WWC2: variants seen among roughly 807,000 people sequenced by gnomAD.
WWC2 encodes the protein WW and C2 domain containing 2.
Under a neutral mutation model 138.5 loss-of-function variants are expected in WWC2, and 101 were observed. That is an observed-to-expected ratio of 0.73 (90% CI 0.62 to 0.86). The LOEUF (loss-of-function observed/expected upper bound fraction) is 0.86. Ranked by LOEUF, WWC2 falls within the 40% of genes least tolerant of loss-of-function variation. The pLI, the probability that WWC2 is intolerant of heterozygous loss-of-function variation, is 0.00. For synonymous variants in WWC2, 558 were observed against 538.4 expected (o/e 1.04, Z -0.50); for missense variants, 1,420 against 1,419.4 (o/e 1.00, Z -0.01).
At chr4:183,240,929 C>G (rs2111312702) in intron 5 of WWC2, among the ~76,000 whole-genome samples, 1 of 152,278 alleles carries the variant, frequency 6.6e-6, no homozygotes, top group Middle Eastern at 3.4e-3. Context: ...CTTCCGCATT[C>G]CCGGCCCCTG....
At chr4:183,162,918 T>C (rs4550974) in intron 1 of WWC2, among the ~76,000 whole-genome samples, 151,631 of 152,314 alleles carry the variant, frequency 1, 75,479 homozygotes, top group Middle Eastern at 1. Context: ...TTCCAAGAAG[T>C]GCCTTTATTT....
chr4:183,303,559 A>G (rs1435498960), intron 21 of WWC2, among the ~76,000 whole-genome samples: 1 of 152,200 alleles, frequency 6.6e-6, no homozygotes, highest in Admixed American at 6.5e-5. Context: ...TAACTTTCTA[A>G]TATGAGTGTA....
At chr4:183,106,950 G>A (rs961565382) in intron 1 of WWC2, among the ~76,000 whole-genome samples, 1 of 152,102 alleles carries the variant, frequency 6.6e-6, no homozygotes, top group African/African-American at 2.4e-5. Context: ...GTCTAAAAGT[G>A]GAGTTGCTGG....
intron 1 of WWC2, among the ~76,000 whole-genome samples, chr4:183,134,063 C>T (rs1348237053): frequency 1.3e-5 from 2 of 151,936 alleles, no homozygotes; most frequent in Non-Finnish European, 2.9e-5. Context: ...TCATTTCATC[C>T]CTATGTCCGA....
rs181064692 is a variant in WWC2, at chr4:183,181,096, G to A, written c.132-12503G>A. On this transcript the variant is annotated intron_variant, in intron 1 of 22. Transcript: ENST00000403733. Reference sequence around the variant, plus strand: ...AAAGAGGCAGTATTAAATCATAACTGCATATAATTAACTATAGTATATAGT... The same window carrying A: ...AAAGAGGCAGTATTAAATCATAACTACATATAATTAACTATAGTATATAGT... Among the ~76,000 whole-genome samples the A allele has an allele frequency of 5.2e-3, 791 of 152,252 alleles. 1 individual carries two copies. Among genetic ancestry groups the A allele is most frequent in the Non-Finnish European group, 7.7e-3 (526 of 68,012 alleles).
intron 1 of WWC2, among the ~76,000 whole-genome samples, chr4:183,120,407 G>A (rs146353300): frequency 9.6e-4 from 146 of 152,276 alleles, no homozygotes; most frequent in African/African-American, 3.4e-3. Flanking sequence ...TGATGCTGAC[G>A]TTTATGAACT....
chr4:183,173,916 A>G (rs907479089), intron 1 of WWC2, among the ~76,000 whole-genome samples: 21 of 152,278 alleles, frequency 1.4e-4, no homozygotes, highest in Non-Finnish European at 2.1e-4. Context: ...GAAGCTCTCT[A>G]CTAGTGGGTG....
chr4:183,154,164 G>T (rs771686742), intron 1 of WWC2, among the ~76,000 whole-genome samples: 3 of 152,104 alleles, frequency 2.0e-5, no homozygotes, highest in African/African-American at 7.2e-5. Context: ...TTGTGTTTTT[G>T]TAGTAGTTGA....
At chr4:183,215,332 T>A (rs766021137) in intron 4 of WWC2, among the ~76,000 whole-genome samples, 4 of 152,156 alleles carry the variant, frequency 2.6e-5, no homozygotes, top group Non-Finnish European at 5.9e-5. Flanking sequence ...CTGCAGAAAA[T>A]GAAACTGTGG....
rs188239728 is a variant in WWC2 at position 183,189,842 on chromosome 4, T to G, written c.132-3757T>G. ...CAGTTAGTACAAACTCAGGTTTTTT[T>G]GGAGTTGTGCTTGTACTCACCATCA... On this transcript the variant is annotated intron_variant, in intron 1 of 22. Coordinates refer to ENST00000403733, the MANE Select transcript of WWC2 (RefSeq NM_024949.6). Among the ~76,000 whole-genome samples the G allele has an allele frequency of 5.9e-3, 900 of 152,336 alleles. 7 individuals carry two copies. Among genetic ancestry groups the G allele is most frequent in the African/African-American group, 0.019 (798 of 41,582 alleles).
chr4:183,280,976 T>TC, intron 17 of WWC2, 79 bp downstream of exon 17: 1 of 1,471,704 alleles, frequency 6.8e-7, no homozygotes, highest in Middle Eastern at 1.8e-4. Context: ...CTTTGTAGGC[T>TC]CATGCTTTAT....
At position 183,099,557 on chromosome 4, in the gene WWC2, C is replaced by G; in HGVS notation, c.66C>G (p.Tyr22Ter). The change falls in exon 1 of 23, where the codon TAC (tyrosine) becomes TAG (stop). Residue 22 changes from tyrosine to a stop codon, truncating the protein, a stop_gained. Coordinates refer to ENST00000403733, the MANE Select transcript of WWC2 (RefSeq NM_024949.6). LOFTEE classifies it high-confidence loss of function. ...LPRGWEEARD[Y>*]DGKVFYIDHN... ...GGGGCTGGGAGGAGGCCAGGGACTA[C>G]GACGGCAAGGTCTTCTACATTGACC... 2 of 1,422,634 alleles carry G rather than the reference C, an allele frequency of 1.4e-6. No individual in the cohort carries two copies. Among genetic ancestry groups the G allele is most frequent in the Non-Finnish European group, 1.9e-6 (2 of 1,072,154 alleles). The allele number at this position is 1,422,634 out of a possible 1,614,324, so 88.1% of individuals were successfully genotyped here. A position where few individuals can be genotyped will look rare whatever the true frequency, so the allele number is the denominator to read the frequency against.
intron 4 of WWC2, among the ~76,000 whole-genome samples, chr4:183,229,687 A>C (rs890873743): frequency 1.3e-5 from 2 of 152,086 alleles, no homozygotes; most frequent in Admixed American, 1.3e-4. Flanking sequence ...AAACCCAAAT[A>C]GGAGTACACT....
intron 1 of WWC2, among the ~76,000 whole-genome samples, chr4:183,182,090 T>A (rs927227825): frequency 6.6e-5 from 10 of 152,188 alleles, no homozygotes; most frequent in African/African-American, 2.4e-4. Context: ...CACATCACAT[T>A]GTTAACTGGG....
chr4:183,292,032 T>TAAAA (rs33964356), intron 21 of WWC2, among the ~76,000 whole-genome samples: 46 of 145,232 alleles, frequency 3.2e-4, no homozygotes, highest in Non-Finnish European at 6.1e-4. Context: ...CAAAAAAAAT[T>TAAAA]AAAAAAAAAA....
rs1241905865 is a variant in WWC2 at position 183,159,727 on chromosome 4, TTTAA to T, written c.132-33871_132-33868del. ...CCTGAACTTACCTTTTTTTTTTTTT[TTTAA>T]AAAAAAAAAATTGTTTACAATACAT... is the stretch of plus-strand genomic sequence containing the variant. On this transcript the variant is annotated intron_variant, in intron 1 of 22. Transcript: ENST00000403733. Among the ~76,000 whole-genome samples, 146 of 133,752 alleles carry T rather than the reference TTTAA, an allele frequency of 1.1e-3. 1 individual carries two copies. The highest frequency in any genetic ancestry group is 7.0e-3 in the South Asian group (29 of 4,142). The allele number at this position is 133,752 out of a possible 152,430, so 87.7% of individuals were successfully genotyped here. A position where few individuals can be genotyped will look rare whatever the true frequency, so the allele number is the denominator to read the frequency against.
chr4:183,270,548 G>GC (rs1737665867), intron 15 of WWC2, among the ~76,000 whole-genome samples: 2 of 152,092 alleles, frequency 1.3e-5, no homozygotes, highest in African/African-American at 4.8e-5. Context: ...CAGATCACCT[G>GC]AGGTCAGGAG....
intron 9 of WWC2, among the ~76,000 whole-genome samples, chr4:183,258,215 T>A (rs997957857): frequency 6.6e-6 from 1 of 152,242 alleles, no homozygotes; most frequent in African/African-American, 2.4e-5. Flanking sequence ...CTTTGTGCAC[T>A]TTTAATTCAG....
intron 8 of WWC2, among the ~76,000 whole-genome samples, chr4:183,250,312 T>C (rs957436943): frequency 1.3e-4 from 20 of 152,182 alleles, no homozygotes; most frequent in Non-Finnish European, 2.4e-4. Context: ...AGAAGATTGG[T>C]TGCTTTGATG....
Sources: allele counts gnomAD v4.1 joint callset (sites outside exome capture counted in the v4.1 genomes callset), GRCh38; gene constraint gnomAD v4.1.1; transcripts MANE v1.5; gene names NCBI Gene and HGNC (gene_info 2026-07-23, HGNC 2026-07-21).